The following HSH2D variants were observed in gnomAD, a reference collection of about 807,000 sequenced individuals.
HSH2D encodes the protein hematopoietic SH2 domain containing.
Under a neutral mutation model 21.5 loss-of-function variants are expected in HSH2D, and 16 were observed. The ratio of observed to expected loss-of-function variants is 0.74; its 90% confidence interval spans 0.50 to 1.13. HSH2D has a LOEUF of 1.13. HSH2D is among the 50% of genes most tolerant of loss of function. The pLI is 0.00. For missense variants in HSH2D, 418 were observed against 441.4 expected, an observed-to-expected ratio of 0.95 and a Z score of 0.47; for synonymous variants, 172 against 184.7, an observed-to-expected ratio of 0.93 and a Z score of 0.56.
At chr19:16,147,664 G>GTTTTT in intron 1 of HSH2D, among the ~76,000 whole-genome samples, 1 of 147,290 alleles carries the variant, frequency 6.8e-6, no homozygotes, top group Non-Finnish European at 1.5e-5. Flanking sequence ...GTTTTGTTTT[G>GTTTTT]AGACGGAGTC....
At chr19:16,150,394 C>A (rs2091132071) in intron 2 of HSH2D, among the ~76,000 whole-genome samples, 1 of 152,150 alleles carries the variant, frequency 6.6e-6, no homozygotes, top group South Asian at 2.1e-4. Context: ...ACAAAATTAG[C>A]CAGGCGTGGT....
intron 2 of HSH2D, chr19:16,151,342 A>AG (rs2091146999): frequency 4.2e-6 from 1 of 237,922 alleles, no homozygotes; most frequent in Admixed American, 5.2e-5. Flanking sequence ...AAAAAAAAAA[A>AG]GAGAGAGAGA....
At chr19:16,149,951 A>G (rs1189507760) in intron 2 of HSH2D, among the ~76,000 whole-genome samples, 2 of 152,150 alleles carry the variant, frequency 1.3e-5, no homozygotes, top group Non-Finnish European at 2.9e-5. Flanking sequence ...AATGGAGGAA[A>G]AAATATTTAT....
chr19:16,151,454 G>A (rs538706464), intron 2 of HSH2D: 215 of 445,996 alleles, frequency 4.8e-4, no homozygotes, highest in Non-Finnish European at 8.8e-4. Flanking sequence ...CAGCAGCCTT[G>A]GAAGTGGAGT....
intron 5 of HSH2D, chr19:16,154,859 AGGC>A: frequency 5.2e-6 from 1 of 193,512 alleles, no homozygotes; most frequent in South Asian, 8.0e-5. Context: ...CTCCTTCCCC[AGGC>A]CCCAGACCTA....
At chr19:16,152,504 G>A (rs1311117505) in intron 2 of HSH2D, 48 bp from the exon 3 acceptor site, 16 of 1,216,428 alleles carry the variant, frequency 1.3e-5, no homozygotes, top group Non-Finnish European at 1.7e-5. Flanking sequence ...TAACTGGTAC[G>A]TGGGGCGGCT....
intron 1 of HSH2D, 142 bp from the exon 2 acceptor site, chr19:16,148,582 A>G: frequency 2.7e-6 from 2 of 750,562 alleles, no homozygotes; most frequent in Non-Finnish European, 4.2e-6. Flanking sequence ...CGTCACACCC[A>G]GCCACAAGCC....
At chr19:16,142,732 GGATTACAGGCATGAGCCACCGC>G (rs2091012148), upstream of HSH2D, among the ~76,000 whole-genome samples, 2 of 152,014 alleles carry the variant, frequency 1.3e-5, no homozygotes, top group South Asian at 4.2e-4. Context: ...CAAAGTGCTG[GGATTACAGGCATGAGCCACCGC>G]ACCCAGCTGG....
intron 4 of HSH2D, among the ~76,000 whole-genome samples, chr19:16,154,084 T>C (rs1261470045): frequency 6.8e-6 from 1 of 146,658 alleles, no homozygotes; most frequent in Non-Finnish European, 1.5e-5. Flanking sequence ...CTTATAGGAC[T>C]CAGTGGGCCT....
At chr19:16,148,429 G>A (rs181561072) in intron 1 of HSH2D, among the ~76,000 whole-genome samples, 10 of 152,094 alleles carry the variant, frequency 6.6e-5, no homozygotes, top group African/African-American at 1.7e-4. Flanking sequence ...GATTACAGGC[G>A]TGAGCCACCG....
chr19:16,151,603 C>A (rs1302930747), intron 2 of HSH2D: 1 of 455,672 alleles, frequency 2.2e-6, no homozygotes, highest in Admixed American at 2.4e-5. Context: ...CTTGTGACAC[C>A]TTGATCCACC....
intron 1 of HSH2D, among the ~76,000 whole-genome samples, chr19:16,137,582 A>G (rs541566751): frequency 1.3e-5 from 2 of 151,326 alleles, no homozygotes; most frequent in South Asian, 2.1e-4. Flanking sequence ...GTCTCAAAAA[A>G]AAAAAAAAAG....
At chr19:16,152,908 C>A in intron 3 of HSH2D, 135 bp from the exon 4 acceptor site, 2 of 1,031,334 alleles carry the variant, frequency 1.9e-6, no homozygotes, top group Non-Finnish European at 1.5e-6. Context: ...TGTTGCATGG[C>A]CAGTGAGTGA....
intron 1 of HSH2D, among the ~76,000 whole-genome samples, chr19:16,147,627 G>GTTTTT (rs2091089740): frequency 6.6e-6 from 1 of 150,414 alleles, no homozygotes; most frequent in African/African-American, 2.5e-5. Context: ...ACAAGCCAGT[G>GTTTTT]GTTTTTTTTT....
intron 3 of HSH2D, 111 bp downstream of exon 3, chr19:16,152,752 G>A (rs774791924): frequency 2.3e-6 from 2 of 863,672 alleles, no homozygotes; most frequent in African/African-American, 1.7e-5. Flanking sequence ...AGTAACTGAG[G>A]CTGTGGATCT....
At chr19:16,152,927 G>A in intron 3 of HSH2D, 116 bp from the exon 4 acceptor site, 1 of 1,251,008 alleles carries the variant, frequency 8.0e-7, no homozygotes, top group Non-Finnish European at 1.1e-6. Flanking sequence ...GAAGAAGCCT[G>A]CATGGGAACC....
In HSH2D at chr19:16,157,256, C is replaced by T. The variant is rs1340897342; in HGVS notation, c.521C>T (p.Pro174Leu). The T allele has an allele frequency of 3.1e-6, 5 of 1,589,170 alleles. No individual in the cohort carries two copies. Among genetic ancestry groups the T allele is most frequent in the South Asian group, 2.3e-5 (2 of 87,442 alleles). The change falls in exon 6 of 6, where the codon CCG (proline) becomes CTG (leucine). Residue 174 changes from proline (P) to leucine (L), a missense_variant. Physicochemically the swap from Pro to Leu is moderately conservative, Grantham distance 98 (BLOSUM62 -3). Coordinates refer to ENST00000613986, the MANE Select transcript of HSH2D (RefSeq NM_001382417.1). This position sits in a 1 kb window ranked among gnomAD's most constrained non-coding sequence, Gnocchi z 4.4. ...TGTCACCAATCAAAGGAAAGGAAGC[C>T]GTCAGCAGAGATGAACAGAATAACC... ...VLCHQSKERK[P>L]SAEMNRITTK...
At chr19:16,142,094 G>A (rs1212301380), upstream of HSH2D, 1 of 151,910 alleles carries the variant, frequency 6.6e-6, no homozygotes, top group Non-Finnish European at 1.5e-5. Flanking sequence ...TCTAAAATAG[G>A]TTAGTCAATT....
At position 16,148,016 on chromosome 19, in the gene HSH2D, T is replaced by C. The variant is rs376816348; in HGVS notation, c.-27-708T>C. Among the ~76,000 whole-genome samples the C allele has an allele frequency of 3.0e-4, 46 of 152,288 alleles. No homozygotes were observed. In the East Asian group the frequency reaches 7.1e-3, roughly 24 times the overall value. ...CTCTGTTCCCCAGGCTGGAGTGCAGTGGCACAACCACAGCTCACTGCAGCC... is the reference window on the plus strand; with the variant it reads ...CTCTGTTCCCCAGGCTGGAGTGCAGCGGCACAACCACAGCTCACTGCAGCC... On this transcript the variant is annotated intron_variant, in intron 1 of 5. Coordinates refer to ENST00000613986, the MANE Select transcript of HSH2D (RefSeq NM_001382417.1).
Sources: gnomAD v4.1 joint callset for allele counts (sites outside exome capture counted in the v4.1 genomes callset) on GRCh38, gnomAD v4.1.1 for gene constraint, Gnocchi (gnomAD v3.1) non-coding constraint, MANE v1.5 for transcripts, NCBI Gene and HGNC (gene_info 2026-07-23, HGNC 2026-07-21) for gene names.